The following VPS53 variants were observed in gnomAD, a reference collection of about 807,000 sequenced individuals.
The protein encoded by VPS53 is VPS53 subunit of GARP complex, also known as vacuolar protein sorting-associated protein 53 homolog.
Under a neutral mutation model 107.0 loss-of-function variants are expected in VPS53, and 70 were observed. The ratio of observed to expected loss-of-function variants is 0.65; its 90% CI spans 0.54 to 0.80. VPS53 has a LOEUF of 0.80. VPS53 is among the 30% of genes least tolerant of loss of function. VPS53 has a pLI of 0.00. For synonymous variants in VPS53, 409 were observed against 393.3 expected (o/e 1.04, Z -0.47); for missense variants, 917 against 1,049.4 (o/e 0.87, Z 1.74).
At chr17:693,063 G>T (rs1412128877) in intron 4 of VPS53, among the ~76,000 whole-genome samples, 1 of 151,678 alleles carries the variant, frequency 6.6e-6, no homozygotes, top group African/African-American at 2.4e-5. Flanking sequence ...GAACCCAGGA[G>T]GCAGAAGTTG....
intron 9 of VPS53, among the ~76,000 whole-genome samples, chr17:627,783 C>A (rs541035067): frequency 3.3e-5 from 5 of 152,190 alleles, no homozygotes; most frequent in African/African-American, 1.2e-4. Flanking sequence ...CTCACACACA[C>A]ACACACACAC....
rs930021364 is a variant in VPS53, at chr17:532,597, A to G, written c.2085+245T>C. The G allele has an allele frequency of 4.3e-6, 4 of 935,562 alleles. No individual in the cohort carries two copies. The African/African-American group carries it at 6.7e-5, about 16-fold the overall frequency. 58.0% of individuals were successfully genotyped at this position (935,562 alleles called of 1,614,324 possible). The stretch of plus-strand genomic sequence containing the variant: ...TTATTGGAGTGTGAGCACTAGGAGC[A>G]GGGACCTTTCCATGGTGCTTGCTGT... On this transcript the variant is annotated intron_variant, in intron 19 of 21. Coordinates refer to ENST00000437048, the MANE Select transcript of VPS53 (RefSeq NM_001128159.3).
intron 4 of VPS53, among the ~76,000 whole-genome samples, chr17:689,364 C>G (rs778068901): frequency 2.0e-5 from 3 of 151,848 alleles, no homozygotes; most frequent in Non-Finnish European, 4.4e-5. Context: ...GAGGTGCCAT[C>G]ATAGACTGCT....
intron 2 of VPS53, among the ~76,000 whole-genome samples, chr17:700,300 T>A (rs1250278955): frequency 6.6e-6 from 1 of 152,044 alleles, no homozygotes; most frequent in African/African-American, 2.4e-5. Flanking sequence ...CCCAGCACTT[T>A]GGGAGGCCAA....
At chr17:668,498 A>C (rs917408655) in intron 4 of VPS53, among the ~76,000 whole-genome samples, 2 of 152,210 alleles carry the variant, frequency 1.3e-5, no homozygotes, top group South Asian at 4.1e-4. Context: ...TATTTGGCTT[A>C]AACAGAGTCT....
intron 19 of VPS53, among the ~76,000 whole-genome samples, chr17:527,320 T>A (rs1909196575): frequency 1.3e-5 from 2 of 152,150 alleles, no homozygotes; most frequent in Admixed American, 1.3e-4. Context: ...GTTGCCTGCT[T>A]CATAAACTTG....
chr17:668,781 C>T (rs1429408144), intron 4 of VPS53, among the ~76,000 whole-genome samples: 1 of 152,112 alleles, frequency 6.6e-6, no homozygotes, highest in African/African-American at 2.4e-5. Context: ...ACACTTAGGT[C>T]TCACATATGA....
At chr17:675,324 G>A (rs1234753350) in intron 4 of VPS53, 2 of 152,236 alleles carry the variant, frequency 1.3e-5, no homozygotes, top group Admixed American at 1.3e-4. Flanking sequence ...CACGGAAGTA[G>A]GAGAGGGCTG....
chr17:695,973 C>G, intron 4 of VPS53, among the ~76,000 whole-genome samples: 1 of 152,200 alleles, frequency 6.6e-6, no homozygotes, highest in Admixed American at 6.5e-5. Flanking sequence ...TGCCCTGTCC[C>G]TCTGTAGGAC....
intron 10 of VPS53, among the ~76,000 whole-genome samples, chr17:624,933 C>A (rs1969626441): frequency 6.7e-6 from 1 of 149,024 alleles, no homozygotes; most frequent in Non-Finnish European, 1.5e-5. Flanking sequence ...CCCTTCCACT[C>A]GCCCTCCCTC....
chr17:554,564 C>A (rs7223907), intron 15 of VPS53, among the ~76,000 whole-genome samples: 1 of 151,914 alleles, frequency 6.6e-6, no homozygotes, highest in Non-Finnish European at 1.5e-5. Context: ...TCACCATGTC[C>A]GGCTAATTTC....
intron 7 of VPS53, among the ~76,000 whole-genome samples, chr17:652,963 G>A (rs754852103): frequency 3.3e-5 from 5 of 152,238 alleles, no homozygotes; most frequent in Non-Finnish European, 5.9e-5. Flanking sequence ...CAGTGAACAC[G>A]CTGAGCTAAG....
chr17:585,433 G>A (rs1967260077), intron 13 of VPS53, among the ~76,000 whole-genome samples: 3 of 152,332 alleles, frequency 2.0e-5, no homozygotes, highest in South Asian at 4.1e-4. Context: ...CAAGTGGGTG[G>A]ATCATTTGAG....
chr17:588,925 T>C (rs1354519689), intron 12 of VPS53, among the ~76,000 whole-genome samples: 1 of 152,114 alleles, frequency 6.6e-6, no homozygotes, highest in Admixed American at 6.6e-5. Context: ...TCTTTTATTA[T>C]TGATTCAATA....
chr17:691,184 A>G (rs1269114197), intron 4 of VPS53, among the ~76,000 whole-genome samples: 1 of 152,202 alleles, frequency 6.6e-6, no homozygotes, highest in East Asian at 1.9e-4. Context: ...CATAATATCC[A>G]TTTTCAATTT....
At chr17:565,327 T>C (rs1373755067) in intron 13 of VPS53, among the ~76,000 whole-genome samples, 1 of 136,822 alleles carries the variant, frequency 7.3e-6, no homozygotes, top group Non-Finnish European at 1.5e-5. Context: ...CACTTGAACC[T>C]GGGAGGCGGA....
intron 11 of VPS53, among the ~76,000 whole-genome samples, chr17:618,404 C>T (rs1290086697): frequency 7.6e-6 from 1 of 130,720 alleles, no homozygotes; most frequent in Non-Finnish European, 1.7e-5. Flanking sequence ...GCGTGCACCA[C>T]CACGCCCCAC....
rs1968129035 is a variant in VPS53, at chr17:598,689, CGCCCCGTCTG to C, written c.1218+3096_1218+3105del. Among the ~76,000 whole-genome samples the C allele has an allele frequency of 3.3e-5, 4 of 123,014 alleles. 1 individual carries two copies. Among genetic ancestry groups the C allele is most frequent in the Non-Finnish European group, 7.5e-5 (4 of 53,668 alleles). The allele number at this position is 123,014 out of a possible 152,430, so 80.7% of individuals were successfully genotyped here. ...GAGGTGAGGAGCATTTCTGCCCGGC[CGCCCCGTCTG>C]AGAAGTGAGGAGACCCTCTGCCCGG... On this transcript the variant is annotated intron_variant, in intron 12 of 21. Transcript: ENST00000437048.
At chr17:555,315 G>A (rs559242153) in intron 15 of VPS53, among the ~76,000 whole-genome samples, 152 of 152,192 alleles carry the variant, frequency 1.0e-3, no homozygotes, top group Non-Finnish European at 1.9e-3. Context: ...CTGAAACATG[G>A]CCTGCTCAGC....
Sources: allele counts gnomAD v4.1 joint callset (sites outside exome capture counted in the v4.1 genomes callset), GRCh38; gene constraint gnomAD v4.1.1; transcripts MANE v1.5; gene names NCBI Gene and HGNC (gene_info 2026-07-23, HGNC 2026-07-21).